PKIB: variants seen among roughly 807,000 people sequenced by gnomAD.
The protein encoded by PKIB is PKI-beta.
In PKIB, 2 loss-of-function variants were observed where a neutral mutation model predicts 4.5. That is an observed-to-expected ratio of 0.44 (90% CI 0.18 to 1.39). The LOEUF is 1.39. Ranked by LOEUF, PKIB falls within the 40% of genes most tolerant of loss-of-function variation. PKIB has a pLI of 0.27. For synonymous variants in PKIB, 38 were observed against 36.0 expected (o/e 1.06, Z -0.20); for missense variants, 94 against 92.6 (o/e 1.02, Z -0.06).
In PKIB at chr6:122,475,730, G is replaced by A. The variant is rs538883975; in HGVS notation, c.-336-2121G>A. ...GAACCTGGGAGGCAGAGGTTGCAGT[G>A]AGCTGAGATCACGCCACTGCACTCC... On this transcript the variant is annotated intron_variant, in intron 1 of 6. Transcript: ENST00000392491. Among the ~76,000 whole-genome samples, 451 of 152,252 alleles carry A rather than the reference G, an allele frequency of 3.0e-3. 2 individuals carry two copies. Among genetic ancestry groups the A allele is most frequent in the African/African-American group, 0.011 (439 of 41,540 alleles).
chr6:122,701,971 G>T (rs1486485676), intron 3 of PKIB, among the ~76,000 whole-genome samples: 1 of 152,140 alleles, frequency 6.6e-6, no homozygotes, highest in African/African-American at 2.4e-5. Context: ...GTTACTATTA[G>T]TTACATTAGG....
intron 3 of PKIB, among the ~76,000 whole-genome samples, chr6:122,685,854 C>T (rs534501450): frequency 1.3e-5 from 2 of 152,216 alleles, no homozygotes; most frequent in South Asian, 2.1e-4. Flanking sequence ...TCTCTGTCTC[C>T]GTGAATTCAA....
intron 2 of PKIB, among the ~76,000 whole-genome samples, chr6:122,567,376 G>C (rs1773225002): frequency 6.6e-6 from 1 of 152,116 alleles, no homozygotes. Flanking sequence ...AGTGGTAGCT[G>C]GTTTCATAAT....
At chr6:122,579,183 C>T (rs9375151) in intron 2 of PKIB, among the ~76,000 whole-genome samples, 17,174 of 152,188 alleles carry the variant, frequency 0.11, 1,231 homozygotes, top group East Asian at 0.21. Flanking sequence ...TTACCTACCA[C>T]CTACTTTCCA....
intron 2 of PKIB, among the ~76,000 whole-genome samples, chr6:122,577,084 G>A (rs966322931): frequency 1.2e-4 from 18 of 152,054 alleles, no homozygotes; most frequent in African/African-American, 4.3e-4. Flanking sequence ...ACAATACACT[G>A]GAAAGACAAA....
At chr6:122,597,185 C>G (rs1401415518) in intron 3 of PKIB, among the ~76,000 whole-genome samples, 2 of 152,212 alleles carry the variant, frequency 1.3e-5, no homozygotes, top group African/African-American at 4.8e-5. Context: ...TTCTGGCTCA[C>G]TGGATCCAAT....
intron 2 of PKIB, among the ~76,000 whole-genome samples, chr6:122,557,560 T>C (rs1772883470): frequency 6.6e-6 from 1 of 152,224 alleles, no homozygotes. Flanking sequence ...AGCCTTTACT[T>C]TCTGGAAGTC....
intron 2 of PKIB, among the ~76,000 whole-genome samples, chr6:122,558,847 T>A (rs1371373539): frequency 6.6e-6 from 1 of 152,144 alleles, no homozygotes; most frequent in East Asian, 1.9e-4. Context: ...GGTGCACCCA[T>A]CACCGGAGCA....
intron 2 of PKIB, among the ~76,000 whole-genome samples, chr6:122,511,304 A>G (rs1371439253): frequency 6.6e-6 from 1 of 152,180 alleles, no homozygotes; most frequent in African/African-American, 2.4e-5. Context: ...ACAAATCCAT[A>G]AGATTTTCCG....
intron 1 of PKIB, among the ~76,000 whole-genome samples, chr6:122,476,659 G>A (rs1775457663): frequency 6.6e-6 from 1 of 152,134 alleles, no homozygotes; most frequent in Non-Finnish European, 1.5e-5. Context: ...AATATTCACT[G>A]TGTAAATAAT....
intron 3 of PKIB, among the ~76,000 whole-genome samples, chr6:122,703,937 T>TAGAGAG (rs1277973682): frequency 1.5e-5 from 2 of 130,386 alleles, no homozygotes; most frequent in African/African-American, 2.9e-5. Context: ...TATATATATA[T>TAGAGAG]ATATAGAGAG....
chr6:122,487,802 C>T (rs1034443937), intron 2 of PKIB, among the ~76,000 whole-genome samples: 2 of 152,150 alleles, frequency 1.3e-5, no homozygotes, highest in Admixed American at 1.3e-4. Flanking sequence ...TTAGTTATAG[C>T]AGCCTGAATG....
At chr6:122,717,984 AC>A in intron 4 of PKIB, 21 bp downstream of exon 4, 1 of 1,604,764 alleles carries the variant, frequency 6.2e-7, no homozygotes, top group Non-Finnish European at 8.5e-7. Flanking sequence ...AAATCCTCTT[AC>A]AATTAACAGC....
chr6:122,645,572 G>C lies in PKIB; in HGVS notation c.-76+12205G>C, dbSNP rs147112671. Among the ~76,000 whole-genome samples, 476 of 152,306 alleles carry C rather than the reference G, an allele frequency of 3.1e-3. 4 individuals carry two copies. The highest frequency in any genetic ancestry group is 9.1e-3 in the African/African-American group (378 of 41,564). ...CAGACAATATCCAGGCAGATAAACA[G>C]ATAGATATGTTCACAGATTGTGGGT... On this transcript the variant is annotated intron_variant, in intron 2 of 4. Transcript: ENST00000368452.
chr6:122,494,461 CATG>C (rs1776023421), intron 2 of PKIB, among the ~76,000 whole-genome samples: 1 of 152,170 alleles, frequency 6.6e-6, no homozygotes, highest in South Asian at 2.1e-4. Context: ...GGGTTTAAAA[CATG>C]AGACAGTTTT....
exon 1 of PKIB, chr6:122,471,941 G>A: frequency 3.4e-6 from 4 of 1,188,936 alleles, no homozygotes; most frequent in Non-Finnish European, 4.5e-6. Context: ...GTCACTAGAC[G>A]ACACGGCTGT....
At chr6:122,647,360 A>G (rs531190778) in intron 2 of PKIB, among the ~76,000 whole-genome samples, 4 of 152,240 alleles carry the variant, frequency 2.6e-5, no homozygotes, top group Non-Finnish European at 5.9e-5. Flanking sequence ...TGAGTGTCCG[A>G]TTGATTAACT....
At chr6:122,562,153 A>G (rs973998105) in intron 2 of PKIB, among the ~76,000 whole-genome samples, 8 of 151,864 alleles carry the variant, frequency 5.3e-5, no homozygotes, top group Non-Finnish European at 1.0e-4. Flanking sequence ...GTGGCTTGGT[A>G]ACAGCAAATT....
intron 2 of PKIB, among the ~76,000 whole-genome samples, chr6:122,494,412 T>C (rs1415148209): frequency 6.6e-5 from 10 of 152,196 alleles, no homozygotes; most frequent in African/African-American, 2.4e-4. Flanking sequence ...TGTAGGGCTG[T>C]TTTTGTTGTC....
Sources: allele counts gnomAD v4.1 joint callset (sites outside exome capture counted in the v4.1 genomes callset), GRCh38; gene constraint gnomAD v4.1.1; transcripts MANE v1.5; gene names NCBI Gene and HGNC (gene_info 2026-07-23, HGNC 2026-07-21).